CHST8: variants seen among roughly 807,000 people sequenced by gnomAD.
The protein encoded by CHST8 is carbohydrate sulfotransferase 8.
In CHST8, 10 loss-of-function variants were observed where a neutral mutation model predicts 15.0. That is an observed-to-expected ratio of 0.67 (90% CI 0.41 to 1.13). The LOEUF (loss-of-function observed/expected upper bound fraction) is 1.13. CHST8 is among the 50% of genes most tolerant of loss of function. The pLI is 0.00. For missense variants in CHST8, 634 were observed against 608.2 expected (o/e 1.04, Z -0.45); for synonymous variants, 259 against 256.6 (o/e 1.01, Z -0.09).
At chr19:33,627,878 G>A (rs533340092) in intron 1 of CHST8, among the ~76,000 whole-genome samples, 1 of 152,336 alleles carries the variant, frequency 6.6e-6, no homozygotes, top group Non-Finnish European at 1.5e-5. Flanking sequence ...TTGTGAGTTA[G>A]ATGGAGACCC....
At chr19:33,757,482 GAAA>G (rs1974596719) in intron 3 of CHST8, among the ~76,000 whole-genome samples, 3 of 44,564 alleles carry the variant, frequency 6.7e-5, no homozygotes, top group African/African-American at 2.0e-4. Context: ...AAGAAAGAAA[GAAA>G]GAAAGAAAGA....
chr19:33,755,076 G>A (rs58751096), intron 3 of CHST8, among the ~76,000 whole-genome samples: 13,856 of 152,126 alleles, frequency 0.091, 2,106 homozygotes, highest in African/African-American at 0.32. Context: ...ACATTCTCAG[G>A]ATGCCCACCA....
chr19:33,759,166 A>C (rs1974666346), intron 3 of CHST8, among the ~76,000 whole-genome samples: 1 of 152,180 alleles, frequency 6.6e-6, no homozygotes, highest in Non-Finnish European at 1.5e-5. Context: ...ATCACACTTC[A>C]ACATGAGATT....
At chr19:33,644,346 T>C (rs1972322524) in intron 1 of CHST8, among the ~76,000 whole-genome samples, 1 of 152,156 alleles carries the variant, frequency 6.6e-6, no homozygotes, top group Non-Finnish European at 1.5e-5. Context: ...TTCTAGGCAC[T>C]GGGGGATACA....
At chr19:33,729,740 A>C (rs1397638315) in intron 3 of CHST8, among the ~76,000 whole-genome samples, 1 of 152,148 alleles carries the variant, frequency 6.6e-6, no homozygotes, top group Non-Finnish European at 1.5e-5. Flanking sequence ...AATGGGAAAA[A>C]ACCTCAAATC....
chr19:33,678,853 A>C (rs1348138065), intron 2 of CHST8, among the ~76,000 whole-genome samples: 1 of 152,066 alleles, frequency 6.6e-6, no homozygotes, highest in African/African-American at 2.4e-5. Context: ...CAACCACTGG[A>C]CTCCACATGA....
chr19:33,654,105 A>G (rs1246331590), intron 1 of CHST8, among the ~76,000 whole-genome samples: 1 of 152,144 alleles, frequency 6.6e-6, no homozygotes, highest in Non-Finnish European at 1.5e-5. Flanking sequence ...CTTGTCTCCT[A>G]GTTTACTAAT....
intron 1 of CHST8, among the ~76,000 whole-genome samples, chr19:33,645,124 T>C (rs8101552): frequency 0.12 from 18,494 of 151,680 alleles, 1,458 homozygotes; most frequent in East Asian, 0.44. Context: ...AGTGTGGAGG[T>C]TGAGAAATTC....
intron 2 of CHST8, among the ~76,000 whole-genome samples, chr19:33,686,837 G>A (rs964628218): frequency 6.6e-6 from 1 of 152,216 alleles, no homozygotes; most frequent in Non-Finnish European, 1.5e-5. Flanking sequence ...GCACTGGCCG[G>A]CATGCACCCG....
chr19:33,642,458 G>A (rs1445604577), intron 1 of CHST8, among the ~76,000 whole-genome samples: 1 of 152,086 alleles, frequency 6.6e-6, no homozygotes. Flanking sequence ...TGCCTCCTGG[G>A]TTCAAGCAAT....
intron 2 of CHST8, among the ~76,000 whole-genome samples, chr19:33,688,121 G>T (rs958767968): frequency 6.6e-6 from 1 of 152,198 alleles, no homozygotes; most frequent in African/African-American, 2.4e-5. Context: ...GGGTTGGGGG[G>T]TCCCTAGAGT....
At chr19:33,694,169 CATATAT>C (rs397842550) in intron 3 of CHST8, among the ~76,000 whole-genome samples, 1,028 of 39,708 alleles carry the variant, frequency 0.026, 20 homozygotes, top group East Asian at 0.044. Context: ...GTAGTTTATT[CATATAT>C]ATATATATAT....
chr19:33,766,596 G>A (rs1481369050), intron 3 of CHST8, among the ~76,000 whole-genome samples: 1 of 152,198 alleles, frequency 6.6e-6, no homozygotes, highest in African/African-American at 2.4e-5. Flanking sequence ...AGCCTGGGCT[G>A]TCCGGGACAA....
chr19:33,629,022 T>G (rs59506130), intron 1 of CHST8, among the ~76,000 whole-genome samples: 47,081 of 152,036 alleles, frequency 0.31, 7,361 homozygotes, highest in Admixed American at 0.39. Context: ...CTCTCTTGTC[T>G]GCTCACCATT....
intron 2 of CHST8, among the ~76,000 whole-genome samples, chr19:33,675,362 G>A (rs1046500371): frequency 5.3e-5 from 8 of 152,218 alleles, no homozygotes; most frequent in African/African-American, 1.4e-4. Context: ...GACTATGTCT[G>A]TAGCCATTGA....
chr19:33,689,514 C>G (rs990075383), intron 3 of CHST8, 123 bp downstream of exon 3: 1 of 1,179,344 alleles, frequency 8.5e-7, no homozygotes. Flanking sequence ...CCAAGACCCC[C>G]GGCAGGCAGA....
intron 3 of CHST8, among the ~76,000 whole-genome samples, chr19:33,745,856 G>A (rs1439240932): frequency 6.6e-6 from 1 of 152,216 alleles, no homozygotes; most frequent in African/African-American, 2.4e-5. Context: ...CAGCCAAGCT[G>A]CAGGGCTGTG....
At chr19:33,672,833 G>A (rs1305103274) in intron 2 of CHST8, among the ~76,000 whole-genome samples, 1 of 152,218 alleles carries the variant, frequency 6.6e-6, no homozygotes. Context: ...GAGGAAGAAA[G>A]AGAAATGACA....
intron 1 of CHST8, among the ~76,000 whole-genome samples, chr19:33,641,082 T>C (rs1972277793): frequency 6.6e-6 from 1 of 152,088 alleles, no homozygotes; most frequent in South Asian, 2.1e-4. Context: ...ATGGGCTGAG[T>C]CCTCAGCTGA....
Sources: gnomAD v4.1 joint callset for allele counts (sites outside exome capture counted in the v4.1 genomes callset) on GRCh38, gnomAD v4.1.1 for gene constraint, MANE v1.5 for transcripts, NCBI Gene and HGNC (gene_info 2026-07-23, HGNC 2026-07-21) for gene names.